Variants in GFPT2 observed in about 807,000 individuals in gnomAD.
The protein encoded by GFPT2 is glutamine--fructose-6-phosphate transaminase 2.
A neutral mutation model predicts 85.6 loss-of-function variants in GFPT2; 62 were observed. The ratio of observed to expected loss-of-function variants is 0.72; its 90% CI spans 0.59 to 0.90. The LOEUF is 0.90. GFPT2 is among the 40% of genes least tolerant of loss of function. The pLI, the probability that GFPT2 is intolerant of heterozygous loss-of-function variation, is 0.00. For missense variants in GFPT2, 788 were observed against 893.4 expected, an observed-to-expected ratio of 0.88 and a Z score of 1.50; for synonymous variants, 368 against 344.5, an observed-to-expected ratio of 1.07 and a Z score of -0.75.
chr5:180,338,501 T>A lies in GFPT2; in HGVS notation c.107A>T (p.Asp36Val). Residue 36 changes from aspartate to valine, a missense_variant, in exon 2 of 19, where the codon GAC becomes GTC. By Grantham distance (152) the Asp-to-Val change is radical. Transcript: ENST00000253778. ...GLQRLEYRGY[D>V]SAGVAIDGNN... ...GGCGGCCGCACACCCACCTGCCGAG[T>A]CGTAGCCTCTGTACTCCAGCCGCTG... 1 of 1,597,398 alleles carries A rather than the reference T, an allele frequency of 6.3e-7. No homozygotes were observed.
intron 1 of GFPT2, among the ~76,000 whole-genome samples, chr5:180,345,770 G>A (rs979933805): frequency 2.0e-5 from 3 of 152,188 alleles, no homozygotes; most frequent in African/African-American, 7.2e-5. Flanking sequence ...AGGAATGCCA[G>A]AGAAGGTAGC....
intron 7 of GFPT2, among the ~76,000 whole-genome samples, chr5:180,326,662 A>G (rs2127652823): frequency 6.6e-6 from 1 of 152,292 alleles, no homozygotes; most frequent in South Asian, 2.1e-4. Context: ...TTCTGGGGCC[A>G]GTGGGGAACT....
Position 180,324,146 on chromosome 5 carries a change from A to G in GFPT2, c.794+42T>C, listed in dbSNP as rs199959001. On this transcript the variant is annotated intron_variant, in intron 9 of 18. Coordinates refer to ENST00000253778, the MANE Select transcript of GFPT2 (RefSeq NM_005110.4). ...GCAGTGTTTAGACAGGCATTCTTTG[A>G]TTATGTAATCCCAGGAAGCGAAGAG... 22 of 1,077,264 alleles carry G rather than the reference A, an allele frequency of 2.0e-5. No individual in the cohort carries two copies. The African/African-American group carries it at 3.3e-4, about 16-fold the overall frequency. The allele number at this position is 1,077,264 out of a possible 1,614,324, so 66.7% of individuals were successfully genotyped here. A position where few individuals can be genotyped will look rare whatever the true frequency, so the allele number is the denominator to read the frequency against.
intron 12 of GFPT2, 23 bp from the exon 13 acceptor site, chr5:180,316,484 G>C: frequency 1.2e-6 from 2 of 1,613,916 alleles, no homozygotes; most frequent in Non-Finnish European, 1.7e-6. Flanking sequence ...AGCAAGCATG[G>C]AGACTAAAGT....
At chr5:180,336,003 C>A in intron 3 of GFPT2, 50 bp from the exon 4 acceptor site, 2 of 1,520,064 alleles carry the variant, frequency 1.3e-6, no homozygotes, top group South Asian at 2.6e-5. Context: ...AAGCCTCGAC[C>A]CAGGACTGTG....
intron 2 of GFPT2, 48 bp from the exon 3 acceptor site, chr5:180,336,625 A>C: frequency 2.4e-6 from 3 of 1,263,630 alleles, no homozygotes; most frequent in African/African-American, 1.5e-5. Context: ...GCTTTTTCTC[A>C]CACACTTGGC....
At chr5:180,316,289 G>A in intron 13 of GFPT2, 52 bp downstream of exon 13, 1 of 1,595,604 alleles carries the variant, frequency 6.3e-7, no homozygotes, top group Non-Finnish European at 8.6e-7. Context: ...GAAGAGGAGA[G>A]AGCCCAGAGC....
At chr5:180,311,830 T>G (rs868020972) in intron 15 of GFPT2, among the ~76,000 whole-genome samples, 1 of 151,926 alleles carries the variant, frequency 6.6e-6, no homozygotes, top group Non-Finnish European at 1.5e-5. Flanking sequence ...GAGGTGACAT[T>G]TGAGCTGAGG....
intron 4 of GFPT2, among the ~76,000 whole-genome samples, chr5:180,333,970 G>A (rs1764353471): frequency 6.6e-6 from 1 of 152,188 alleles, no homozygotes; most frequent in Admixed American, 6.6e-5. Context: ...CAGGGCACAT[G>A]GTCTGGGCGC....
intron 9 of GFPT2, among the ~76,000 whole-genome samples, chr5:180,320,898 C>T (rs916956681): frequency 6.6e-6 from 1 of 152,178 alleles, no homozygotes; most frequent in Non-Finnish European, 1.5e-5. Context: ...GTATATCCAG[C>T]CAGATCCTAG....
rs1009823522 is a variant in GFPT2 at position 180,324,960 on chromosome 5, A to C, written c.597-65T>G. ...GACGCCCAGTGCTGGGTGTCTGCCCAGCATCTGAGGTAGGATCCCCAAATC... is the reference window on the plus strand; with the variant it reads ...GACGCCCAGTGCTGGGTGTCTGCCCCGCATCTGAGGTAGGATCCCCAAATC... On this transcript the variant is annotated intron_variant, in intron 7 of 18. Transcript: ENST00000253778. 1.0e-5 allele frequency: 10 copies of C among 996,108 alleles called. No homozygotes were observed. In the African/African-American group the frequency reaches 1.6e-4, roughly 16 times the overall value. The allele number at this position is 996,108 out of a possible 1,614,324, so 61.7% of individuals were successfully genotyped here.
At chr5:180,321,029 G>A (rs1000010701) in intron 9 of GFPT2, among the ~76,000 whole-genome samples, 5 of 152,280 alleles carry the variant, frequency 3.3e-5, no homozygotes, top group African/African-American at 9.6e-5. Flanking sequence ...AAATAACTTC[G>A]TATGCTTTGT....
chr5:180,338,070 A>G (rs1764437573), intron 2 of GFPT2, among the ~76,000 whole-genome samples: 1 of 152,226 alleles, frequency 6.6e-6, no homozygotes, highest in Non-Finnish European at 1.5e-5. Context: ...GGCTGCAGTG[A>G]GCCAATTTCT....
intron 17 of GFPT2, among the ~76,000 whole-genome samples, chr5:180,302,892 T>C (rs781630793): frequency 6.6e-6 from 1 of 152,076 alleles, no homozygotes; most frequent in Non-Finnish European, 1.5e-5. Flanking sequence ...GCTCATAGTC[T>C]AGTGGTAGAA....
At position 180,336,720 on chromosome 5, in the gene GFPT2, T is replaced by A. The variant is rs1581386224; in HGVS notation, c.116-143A>T. 7.2e-6 allele frequency: 5 copies of A among 697,212 alleles called. No individual in the cohort carries two copies. The East Asian group carries it at 1.2e-4, about 17-fold the overall frequency. 43.2% of individuals were successfully genotyped at this position (697,212 alleles called of 1,614,324 possible). On this transcript the variant is annotated intron_variant, in intron 2 of 18. Transcript: ENST00000253778. Reference sequence around the variant, plus strand: ...AGAGCTGTACAGTTTTCAGGAAATCTGCTCTGAAAGAGGCTGTGACTGCGG... The same window carrying A: ...AGAGCTGTACAGTTTTCAGGAAATCAGCTCTGAAAGAGGCTGTGACTGCGG...
rs1198548758 is a variant in GFPT2 at position 180,307,111 on chromosome 5, G to A, written c.1674+65C>T. On this transcript the variant is annotated intron_variant, in intron 16 of 18. Coordinates refer to ENST00000253778, the MANE Select transcript of GFPT2 (RefSeq NM_005110.4). ...AGCCCAACGCCCTGCCCTCCTTCCC[G>A]CTGGCTCCTCAGGGTCTCCTGTGCC... The A allele has an allele frequency of 5.8e-6, 8 of 1,383,088 alleles. No homozygotes were observed. The South Asian group carries it at 6.4e-5, about 11-fold the overall frequency. 85.7% of individuals were successfully genotyped at this position (1,383,088 alleles called of 1,614,324 possible). A position where few individuals can be genotyped will look rare whatever the true frequency, so the allele number is the denominator to read the frequency against.
chr5:180,353,295 CCG>C lies in GFPT2; in HGVS notation c.-80_-79del, dbSNP rs1266886412. 29 of 262,696 alleles carry C rather than the reference CCG, an allele frequency of 1.1e-4. No individual in the cohort carries two copies. The South Asian group carries it at 2.2e-3, about 20-fold the overall frequency. The allele number at this position is 262,696 out of a possible 1,614,324, so 16.3% of individuals were successfully genotyped here. On this transcript the variant is annotated 5_prime_UTR_variant, in exon 1 of 19. Coordinates refer to ENST00000253778, the MANE Select transcript of GFPT2 (RefSeq NM_005110.4). Reference sequence around the variant, plus strand: ...CGCTGGGGCTCCTCCGTGGGCTCCTCCGTGGGCTCCGTGGGCTCCGTGGGCTC... The same window carrying C: ...CGCTGGGGCTCCTCCGTGGGCTCCTCTGGGCTCCGTGGGCTCCGTGGGCTC...
At position 180,302,292 on chromosome 5, in the gene GFPT2, A is replaced by C; in HGVS notation, c.2004+131T>G. ...ACAGAGCGAGACTCAATCTCAAAAA[A>C]AAAAAAAAGAAAGCTACTTTAAATA... On this transcript the variant is annotated intron_variant, in intron 18 of 18. Coordinates refer to ENST00000253778, the MANE Select transcript of GFPT2 (RefSeq NM_005110.4). 1.3e-5 allele frequency: 9 copies of C among 679,784 alleles called. No individual in the cohort carries two copies. In the South Asian group the frequency reaches 2.3e-4, roughly 17 times the overall value. The allele number at this position is 679,784 out of a possible 1,614,324, so 42.1% of individuals were successfully genotyped here. A position where few individuals can be genotyped will look rare whatever the true frequency, so the allele number is the denominator to read the frequency against.
chr5:180,332,820 T>A (rs1283814211), intron 4 of GFPT2, among the ~76,000 whole-genome samples: 2 of 152,146 alleles, frequency 1.3e-5, no homozygotes, highest in African/African-American at 4.8e-5. Context: ...GATTATAGGC[T>A]TGAGCCACTG....
Sources: gnomAD v4.1 joint callset for allele counts (sites outside exome capture counted in the v4.1 genomes callset) on GRCh38, gnomAD v4.1.1 for gene constraint, MANE v1.5 for transcripts, NCBI Gene and HGNC (gene_info 2026-07-23, HGNC 2026-07-21) for gene names.